SIRT5: variants seen among roughly 807,000 people sequenced by gnomAD.
SIRT5 encodes the protein NAD-dependent protein deacylase sirtuin-5, mitochondrial.
In SIRT5, 26 loss-of-function variants were observed where a neutral mutation model predicts 40.0. The observed-to-expected ratio is 0.65, with a 90% CI of 0.48 to 0.90. The LOEUF (loss-of-function observed/expected upper bound fraction) is 0.90. Ranked by LOEUF, SIRT5 falls within the 40% of genes least tolerant of loss-of-function variation. The pLI is 0.00. For synonymous variants in SIRT5, 146 were observed against 149.1 expected (o/e 0.98, Z 0.15); for missense variants, 401 against 402.4 (o/e 1.00, Z 0.03).
At position 13,574,631 on chromosome 6, in the gene SIRT5, C is replaced by G. The variant is rs977611340; in HGVS notation, c.-308C>G. On this transcript the variant is annotated 5_prime_UTR_variant, in exon 1 of 10. Coordinates refer to ENST00000606117, the MANE Select transcript of SIRT5 (RefSeq NM_012241.5). ...GGGGCGCGAGCTGCCCCAGGTGAGC[C>G]GTGGCTCAGGTCCGGAGCGCGGTCG... The G allele has an allele frequency of 3.3e-5, 5 of 152,578 alleles. No homozygotes were observed. Among genetic ancestry groups the G allele is most frequent in the African/African-American group, 1.2e-4 (5 of 41,558 alleles). The allele number at this position is 152,578 out of a possible 1,614,324, so 9.5% of individuals were successfully genotyped here. A position where few individuals can be genotyped will look rare whatever the true frequency, so the allele number is the denominator to read the frequency against.
chr6:13,583,879 G>A (rs1584755970), intron 2 of SIRT5, among the ~76,000 whole-genome samples, 197 bp from the exon 3 acceptor site: 1 of 152,120 alleles, frequency 6.6e-6, no homozygotes, highest in South Asian at 2.1e-4. Context: ...AACACAAACG[G>A]AAAACAGCCA....
In SIRT5 at chr6:13,584,216, C is replaced by T. The variant is rs955621994; in HGVS notation, c.106C>T (p.Pro36Ser). 4 of 1,613,508 alleles carry T rather than the reference C, an allele frequency of 2.5e-6. No individual in the cohort carries two copies. Among genetic ancestry groups the T allele is most frequent in the Non-Finnish European group, 3.4e-6 (4 of 1,179,542 alleles). The part of the protein sequence containing the change: ...RNQICLKMAR[P>S]SSSMADFRKF... ...CCAGATTTGCCTGAAAATGGCTCGG[C>T]CAAGTTCAAGTAAGTCATTTTACCC... Residue 36 changes from proline to serine, a missense_variant, in exon 3 of 10, where the codon CCA becomes TCA. Pro to Ser is a moderately conservative substitution (Grantham distance 74, BLOSUM62 -1). Transcript: ENST00000606117.
In SIRT5 at chr6:13,599,019, C is replaced by T. The variant is rs765464085; in HGVS notation, c.618-13C>T. ...CTTGGCTCGGGGTTGGCTTAAGGAT[C>T]CCATTCTTCCAGGTGTGAAGAGGCA... is the stretch of plus-strand genomic sequence containing the variant. On this transcript the variant is annotated splice_polypyrimidine_tract_variant and intron_variant, in intron 7 of 9. Coordinates refer to ENST00000606117, the MANE Select transcript of SIRT5 (RefSeq NM_012241.5). 2 of 1,613,310 alleles carry T rather than the reference C, an allele frequency of 1.2e-6. No homozygotes were observed. The highest frequency in any genetic ancestry group is 2.2e-5 in the South Asian group (2 of 90,974).
Position 13,599,076 on chromosome 6 carries a change from T to C in SIRT5, c.662T>C (p.Val221Ala). Residue 221 changes from valine (V) to alanine (A), a missense_variant, in exon 8 of 10, where the codon GTG (valine) becomes GCG (alanine). Val to Ala is a moderately conservative substitution (Grantham distance 64). Coordinates refer to ENST00000606117, the MANE Select transcript of SIRT5 (RefSeq NM_012241.5). ...GGGGGCTTGCTGCGACCTCACGTCG[T>C]GTGGTTTGGAGAAAACCTGGATCCT... The part of the protein sequence containing the change: ...GCGGLLRPHV[V>A]WFGENLDPAI... 6.2e-7 allele frequency: 1 copy of C among 1,614,116 alleles called. No individual in the cohort carries two copies. Among genetic ancestry groups the C allele is most frequent in the East Asian group, 2.2e-5 (1 of 44,862 alleles).
At chr6:13,591,573 C>A in intron 4 of SIRT5, 96 bp from the exon 5 acceptor site, 2 of 1,044,858 alleles carry the variant, frequency 1.9e-6, no homozygotes, top group Non-Finnish European at 2.7e-6. Flanking sequence ...CCCGACGCTG[C>A]CTGTCTCTGC....
chr6:13,609,230 C>A (rs145159928), intron 9 of SIRT5, among the ~76,000 whole-genome samples: 42 of 152,264 alleles, frequency 2.8e-4, no homozygotes, highest in African/African-American at 1.0e-3. Context: ...CCTGTTCTAA[C>A]CCAATCCTCC....
intron 4 of SIRT5, among the ~76,000 whole-genome samples, chr6:13,589,747 AAG>A (rs1055445532): frequency 1.2e-4 from 19 of 152,152 alleles, no homozygotes; most frequent in African/African-American, 4.6e-4. Context: ...GCCAGCAAGA[AAG>A]AGGGGCCACT....
chr6:13,595,647 C>T (rs1761475026), intron 6 of SIRT5, 83 bp downstream of exon 6: 2 of 1,030,756 alleles, frequency 1.9e-6, no homozygotes, highest in African/African-American at 1.6e-5. Context: ...GAACATTCAT[C>T]AAAGATTCCC....
Position 13,578,386 on chromosome 6 carries a change from C to T in SIRT5, c.-194-1065C>T, listed in dbSNP as rs183489682. 7.9e-5 allele frequency among the ~76,000 whole-genome samples: 12 copies of T among 151,788 alleles called. No homozygotes were observed. In the East Asian group the frequency reaches 1.2e-3, roughly 15 times the overall value. On this transcript the variant is annotated intron_variant, in intron 1 of 9. Transcript: ENST00000606117. ...TTGAAAATAATTGGTATTGGGAGGC[C>T]GAGGCAGGCGGATCACGAGGTCAGG...
At chr6:13,593,061 A>C (rs1351954268) in intron 5 of SIRT5, among the ~76,000 whole-genome samples, 2 of 151,890 alleles carry the variant, frequency 1.3e-5, no homozygotes, top group Non-Finnish European at 2.9e-5. Context: ...CTACAGGCAC[A>C]TGCCACCATG....
At chr6:13,598,045 C>T (rs949020850) in intron 7 of SIRT5, among the ~76,000 whole-genome samples, 1 of 152,156 alleles carries the variant, frequency 6.6e-6, no homozygotes, top group African/African-American at 2.4e-5. Flanking sequence ...CACATTGCTG[C>T]CTTCTAAAAA....
Position 13,613,249 on chromosome 6 carries a change from C to G in SIRT5, c.*1384C>G, listed in dbSNP as rs901488811. Reference sequence around the variant, plus strand: ...GATGCATCTGCCATACAGGGTCATTCTCAGGGGATGCTTAAGTTATTTCTG... The same window carrying G: ...GATGCATCTGCCATACAGGGTCATTGTCAGGGGATGCTTAAGTTATTTCTG... On this transcript the variant is annotated 3_prime_UTR_variant, in exon 10 of 10. Coordinates refer to ENST00000606117, the MANE Select transcript of SIRT5 (RefSeq NM_012241.5). 1 of 152,268 alleles carries G rather than the reference C, an allele frequency of 6.6e-6. No homozygotes were observed. The highest frequency in any genetic ancestry group is 2.4e-5 in the African/African-American group (1 of 41,450). 9.4% of individuals were successfully genotyped at this position (152,268 alleles called of 1,614,324 possible).
Position 13,613,183 on chromosome 6 carries a change from C to A in SIRT5, c.*1318C>A, listed in dbSNP as rs1304365060. On this transcript the variant is annotated 3_prime_UTR_variant, in exon 10 of 10. Coordinates refer to ENST00000606117, the MANE Select transcript of SIRT5 (RefSeq NM_012241.5). ...TCACTCAGCACCCTCCCCTCAGCAGCCTCCACGTGGCAACCCTCACTTCTT... is the reference window on the plus strand; with the variant it reads ...TCACTCAGCACCCTCCCCTCAGCAGACTCCACGTGGCAACCCTCACTTCTT... The A allele has an allele frequency of 6.6e-6, 1 of 152,318 alleles. No homozygotes were observed. Among genetic ancestry groups the A allele is most frequent in the African/African-American group, 2.4e-5 (1 of 41,444 alleles). 9.4% of individuals were successfully genotyped at this position (152,318 alleles called of 1,614,324 possible). A position where few individuals can be genotyped will look rare whatever the true frequency, so the allele number is the denominator to read the frequency against.
intron 9 of SIRT5, among the ~76,000 whole-genome samples, chr6:13,603,764 A>G (rs1350113138): frequency 6.6e-6 from 1 of 152,256 alleles, no homozygotes; most frequent in Non-Finnish European, 1.5e-5. Flanking sequence ...GTTCATAGCA[A>G]CTTGTTAATG....
intron 1 of SIRT5, among the ~76,000 whole-genome samples, chr6:13,578,757 A>ACTT (rs1435066111): frequency 2.6e-5 from 4 of 151,812 alleles, no homozygotes; most frequent in African/African-American, 9.7e-5. Context: ...ATAATCTTTC[A>ACTT]CTTCTATCTT....
At chr6:13,591,140 TTA>T (rs1489971731) in intron 4 of SIRT5, among the ~76,000 whole-genome samples, 1 of 151,812 alleles carries the variant, frequency 6.6e-6, no homozygotes, top group African/African-American at 2.4e-5. Context: ...TTGTGTGTGT[TTA>T]GTTGTGTGTA....
intron 3 of SIRT5, among the ~76,000 whole-genome samples, chr6:13,586,879 A>T (rs1760149789): frequency 6.6e-6 from 1 of 152,160 alleles, no homozygotes; most frequent in Admixed American, 6.5e-5. Flanking sequence ...ATACAGAATG[A>T]GGCCACGTTC....
chr6:13,606,901 CA>C (rs930684177), intron 9 of SIRT5, among the ~76,000 whole-genome samples: 1 of 150,800 alleles, frequency 6.6e-6, no homozygotes, highest in Non-Finnish European at 1.5e-5. Flanking sequence ...AGACAGGTCT[CA>C]AACTCCTGGC....
intron 7 of SIRT5, among the ~76,000 whole-genome samples, chr6:13,597,412 C>T (rs765605145): frequency 1.0e-4 from 13 of 128,412 alleles, no homozygotes; most frequent in Non-Finnish European, 1.7e-4. Context: ...GGTTACAGGA[C>T]CAAACAGAAT....
Sources: allele counts gnomAD v4.1 joint callset (sites outside exome capture counted in the v4.1 genomes callset), GRCh38; gene constraint gnomAD v4.1.1; transcripts MANE v1.5; gene names NCBI Gene and HGNC (gene_info 2026-07-23, HGNC 2026-07-21).